Variants in TBXAS1 observed in about 807,000 individuals in gnomAD.
The protein encoded by TBXAS1 is thromboxane A synthase 1.
TBXAS1 carries 48 observed loss-of-function variants against 60.7 expected under a neutral mutation model. That is an observed-to-expected ratio of 0.79 (90% CI 0.63 to 1.01). TBXAS1 has a LOEUF of 1.01. TBXAS1 is among the 50% of genes least tolerant of loss of function. The pLI is 0.00. For missense variants in TBXAS1, 685 were observed against 686.3 expected, an observed-to-expected ratio of 1.00 and a Z score of 0.02; for synonymous variants, 287 against 269.7, an observed-to-expected ratio of 1.06 and a Z score of -0.63.
chr7:139,808,623 A>G (rs748544732), intron 4 of TBXAS1, among the ~76,000 whole-genome samples: 3 of 151,922 alleles, frequency 2.0e-5, no homozygotes, highest in African/African-American at 4.8e-5. Context: ...CTTCCTAGAG[A>G]TCCCTCATCT....
In TBXAS1 at chr7:139,861,594, A is replaced by G. The variant is rs1800971435; in HGVS notation, c.90-10641A>G. 2.0e-5 allele frequency among the ~76,000 whole-genome samples: 3 copies of G among 152,122 alleles called. No homozygotes were observed. In the South Asian group the frequency reaches 6.2e-4, roughly 32 times the overall value. On this transcript the variant is annotated intron_variant, in intron 1 of 12. Transcript: ENST00000448866. ...CTAATGGCAAAGGATTCAATTAACA[A>G]GTCTCAAAATGGATGTAAGTTTTGC... is the stretch of plus-strand genomic sequence containing the variant.
chr7:139,818,113 G>A (rs1418637641), intron 4 of TBXAS1, among the ~76,000 whole-genome samples: 5 of 152,222 alleles, frequency 3.3e-5, no homozygotes, highest in Non-Finnish European at 7.3e-5. Context: ...GTAGAGGCAA[G>A]CTCACTGAGT....
intron 1 of TBXAS1, among the ~76,000 whole-genome samples, chr7:139,861,265 G>A (rs747960520): frequency 2.0e-5 from 3 of 151,716 alleles, no homozygotes; most frequent in African/African-American, 7.3e-5. Context: ...ACAGGGTCTC[G>A]CTCTGTTGCC....
intron 5 of TBXAS1, among the ~76,000 whole-genome samples, chr7:139,942,119 T>C (rs1039619142): frequency 1.1e-4 from 17 of 152,120 alleles, no homozygotes; most frequent in African/African-American, 2.4e-5. Context: ...AAGAATACAT[T>C]TAGGAGAAAG....
chr7:139,851,247 A>G (rs1288522835), intron 1 of TBXAS1, among the ~76,000 whole-genome samples: 1 of 152,198 alleles, frequency 6.6e-6, no homozygotes, highest in Non-Finnish European at 1.5e-5. Flanking sequence ...CAGGCCCTTC[A>G]TTCAGACAGC....
rs77520365 is a variant in TBXAS1 at position 139,899,808 on chromosome 7, C to T, written c.237-11417C>T. ...GGGAGCCTGCCTGCTTTCCCTTGCACACCTACCCAGCACTGGAGCGGGTTC... is the reference window on the plus strand; with the variant it reads ...GGGAGCCTGCCTGCTTTCCCTTGCATACCTACCCAGCACTGGAGCGGGTTC... On this transcript the variant is annotated intron_variant, in intron 3 of 12. Transcript: ENST00000448866. 1.3e-3 allele frequency among the ~76,000 whole-genome samples: 199 copies of T among 152,298 alleles called. 2 individuals are homozygous for T. Among genetic ancestry groups the T allele is most frequent in the African/African-American group, 4.6e-3 (193 of 41,544 alleles).
intron 9 of TBXAS1, among the ~76,000 whole-genome samples, chr7:139,972,362 G>A (rs1325567281): frequency 2.6e-5 from 4 of 152,180 alleles, no homozygotes; most frequent in Non-Finnish European, 5.9e-5. Flanking sequence ...AAGCAAGAAT[G>A]AAAAATAAAC....
chr7:139,798,251 A>C (rs1797621358), intron 4 of TBXAS1, among the ~76,000 whole-genome samples: 1 of 152,196 alleles, frequency 6.6e-6, no homozygotes, highest in Non-Finnish European at 1.5e-5. Context: ...CCGGTGAAGC[A>C]GGAAGAGAAG....
At chr7:139,964,436 T>C (rs1295535739) in intron 9 of TBXAS1, among the ~76,000 whole-genome samples, 1 of 152,142 alleles carries the variant, frequency 6.6e-6, no homozygotes, top group African/African-American at 2.4e-5. Flanking sequence ...GGGTCCCTGA[T>C]AGGCTTACAC....
chr7:139,860,200 G>T (rs991431916), intron 1 of TBXAS1, among the ~76,000 whole-genome samples: 2 of 152,150 alleles, frequency 1.3e-5, no homozygotes, highest in African/African-American at 4.8e-5. Flanking sequence ...GGCTACCAAA[G>T]CCTGGTTCAG....
chr7:139,912,838 T>C (rs1326597693), intron 4 of TBXAS1, among the ~76,000 whole-genome samples: 1 of 152,204 alleles, frequency 6.6e-6, no homozygotes, highest in Non-Finnish European at 1.5e-5. Context: ...ACAATTATCA[T>C]CTCTATTTTA....
At chr7:139,915,817 T>C (rs965046362) in intron 4 of TBXAS1, among the ~76,000 whole-genome samples, 1 of 152,220 alleles carries the variant, frequency 6.6e-6, no homozygotes, top group Non-Finnish European at 1.5e-5. Flanking sequence ...TGGAGCAGAC[T>C]GTGGGTTGGA....
chr7:139,930,797 T>G (rs2117157872), intron 4 of TBXAS1, among the ~76,000 whole-genome samples: 1 of 152,156 alleles, frequency 6.6e-6, no homozygotes, highest in Non-Finnish European at 1.5e-5. Context: ...GGAGTACGGA[T>G]GGGTGTGACA....
intron 5 of TBXAS1, among the ~76,000 whole-genome samples, chr7:139,951,950 A>AAAAAAAG (rs1221006411): frequency 2.4e-5 from 1 of 42,008 alleles, no homozygotes; most frequent in Non-Finnish European, 4.8e-5. Flanking sequence ...GGAAAGAAAG[A>AAAAAAAG]AAAGAAAGAA....
chr7:139,882,369 C>T (rs1046338954), intron 3 of TBXAS1, among the ~76,000 whole-genome samples: 9 of 152,194 alleles, frequency 5.9e-5, no homozygotes, highest in Non-Finnish European at 1.3e-4. Context: ...AGTACTTAGA[C>T]TTAAATTGGG....
chr7:139,886,350 C>T lies in TBXAS1; in HGVS notation c.236+10713C>T, dbSNP rs1441869687. 4.6e-5 allele frequency among the ~76,000 whole-genome samples: 7 copies of T among 151,724 alleles called. No homozygotes were observed. The South Asian group carries it at 1.0e-3, about 23-fold the overall frequency. ...TCTCTGACATGTTCTCCAGGCTCCC[C>T]ACATTAACCACTAAGGAGGCACTCT... On this transcript the variant is annotated intron_variant, in intron 3 of 12. Coordinates refer to ENST00000448866, the MANE Select transcript of TBXAS1 (RefSeq NM_001061.7).
intron 5 of TBXAS1, among the ~76,000 whole-genome samples, chr7:139,952,015 A>AAGG (rs1230904381): frequency 1.3e-5 from 2 of 149,794 alleles, no homozygotes; most frequent in Admixed American, 1.3e-4. Context: ...AGAAAGAAAA[A>AAGG]GAAAGGAAGG....
chr7:139,968,618 C>T (rs1187104713), intron 9 of TBXAS1, among the ~76,000 whole-genome samples: 5 of 152,162 alleles, frequency 3.3e-5, no homozygotes, highest in African/African-American at 7.2e-5. Context: ...TAATTCATGC[C>T]CCCAGACTGA....
Position 140,007,198 on chromosome 7 carries a change from C to T in TBXAS1, c.1226+16C>T, listed in dbSNP as rs776775209. On this transcript the variant is annotated intron_variant, in intron 10 of 12. Transcript: ENST00000448866. ...CAGCTTTCAGGTGTGTGGTAGCCCCCTCCCCTGCCCGAGTCCCCACCTCCT... is the reference window on the plus strand; with the variant it reads ...CAGCTTTCAGGTGTGTGGTAGCCCCTTCCCCTGCCCGAGTCCCCACCTCCT... The T allele has an allele frequency of 1.2e-6, 2 of 1,613,476 alleles. No homozygotes were observed. Among genetic ancestry groups the T allele is most frequent in the African/African-American group, 1.3e-5 (1 of 74,994 alleles).
Sources: allele counts gnomAD v4.1 joint callset (sites outside exome capture counted in the v4.1 genomes callset), GRCh38; gene constraint gnomAD v4.1.1; transcripts MANE v1.5; gene names NCBI Gene and HGNC (gene_info 2026-07-23, HGNC 2026-07-21).